Variants in AADACL4 observed in about 807,000 individuals in gnomAD.
AADACL4 encodes the protein arylacetamide deacetylase-like 4.
Under a neutral mutation model 14.1 loss-of-function variants are expected in AADACL4, and 9 were observed. The observed-to-expected ratio is 0.64, with a 90% CI of 0.39 to 1.12. AADACL4 has a LOEUF of 1.12. AADACL4 is among the 50% of genes most tolerant of loss of function. The pLI, the probability that AADACL4 is intolerant of heterozygous loss-of-function variation, is 0.01. For missense variants in AADACL4, 531 were observed against 516.1 expected, an observed-to-expected ratio of 1.03 and a Z score of -0.28; for synonymous variants, 188 against 201.6, an observed-to-expected ratio of 0.93 and a Z score of 0.57.
intron 2 of AADACL4, among the ~76,000 whole-genome samples, chr1:12,661,074 A>G (rs1013918707): frequency 1.3e-5 from 2 of 152,050 alleles, no homozygotes; most frequent in African/African-American, 4.8e-5. Flanking sequence ...ATTCAGAACC[A>G]TTGTCATCTC....
intron 3 of AADACL4, 25 bp downstream of exon 3, chr1:12,661,879 G>T: frequency 1.2e-6 from 2 of 1,610,610 alleles, no homozygotes; most frequent in Non-Finnish European, 1.7e-6. Flanking sequence ...ACAGCTGGTA[G>T]GTTCCACAGG....
chr1:12,655,565 T>C (rs940309415), intron 2 of AADACL4, among the ~76,000 whole-genome samples: 2 of 151,970 alleles, frequency 1.3e-5, no homozygotes, highest in East Asian at 3.9e-4. Context: ...CTTTTCACAC[T>C]TGAAGCAGTA....
In AADACL4 at chr1:12,657,620, C is replaced by T. The variant is rs142715154; in HGVS notation, c.386-4171C>T. On this transcript the variant is annotated intron_variant, in intron 2 of 3. Coordinates refer to ENST00000376221, the MANE Select transcript of AADACL4 (RefSeq NM_001013630.2). ...CAGGCAGACTCAAGAGAGACACGTG[C>T]GAGGAGGATTGGGGCTGCTACCTTT... Among the ~76,000 whole-genome samples the T allele has an allele frequency of 2.1e-3, 315 of 152,216 alleles. 1 individual carries two copies. Among genetic ancestry groups the T allele is most frequent in the African/African-American group, 7.0e-3 (291 of 41,518 alleles).
chr1:12,661,906 G>A (rs1316840135), intron 3 of AADACL4, 52 bp downstream of exon 3: 1 of 1,570,878 alleles, frequency 6.4e-7, no homozygotes, highest in African/African-American at 1.4e-5. Context: ...AGGAGATAGG[G>A]TAAGTTCATG....
chr1:12,652,621 A>G (rs1002923427), intron 2 of AADACL4, among the ~76,000 whole-genome samples: 3 of 152,268 alleles, frequency 2.0e-5, no homozygotes, highest in African/African-American at 4.8e-5. Flanking sequence ...CAAGAGAGAC[A>G]GGCGCAAAGA....
intron 1 of AADACL4, among the ~76,000 whole-genome samples, chr1:12,648,757 T>C (rs1647127899): frequency 6.6e-6 from 1 of 152,094 alleles, no homozygotes; most frequent in African/African-American, 2.4e-5. Flanking sequence ...ATCTTAATAA[T>C]CAGTTTTCCT....
At chr1:12,648,429 C>T (rs1448826430) in intron 1 of AADACL4, among the ~76,000 whole-genome samples, 1 of 148,346 alleles carries the variant, frequency 6.7e-6, no homozygotes, top group Admixed American at 6.7e-5. Flanking sequence ...TGGAGTCTCA[C>T]TCTGTCGCCC....
intron 1 of AADACL4, among the ~76,000 whole-genome samples, chr1:12,647,464 C>T (rs1647118808): frequency 6.6e-6 from 1 of 152,046 alleles, no homozygotes; most frequent in African/African-American, 2.4e-5. Context: ...TGCACAGCAC[C>T]AGTGCTGGGT....
intron 2 of AADACL4, among the ~76,000 whole-genome samples, chr1:12,654,209 C>A (rs6680005): frequency 5.9e-5 from 9 of 152,148 alleles, no homozygotes; most frequent in Non-Finnish European, 1.2e-4. Context: ...AAGAGAATTA[C>A]GGTCTCATTG....
At chr1:12,656,532 TGGC>T (rs1200836860) in intron 2 of AADACL4, among the ~76,000 whole-genome samples, 1 of 152,166 alleles carries the variant, frequency 6.6e-6, no homozygotes, top group Non-Finnish European at 1.5e-5. Flanking sequence ...AGGGAGCACT[TGGC>T]ATTCCAGAGA....
At chr1:12,646,537 A>G (rs1647112598) in intron 1 of AADACL4, among the ~76,000 whole-genome samples, 1 of 152,214 alleles carries the variant, frequency 6.6e-6, no homozygotes, top group African/African-American at 2.4e-5. Flanking sequence ...GGAGAATGCA[A>G]TCAGCCTGGA....
chr1:12,666,555 A>G lies in AADACL4; in HGVS notation c.1044A>G (p.Ile348Met). The G allele has an allele frequency of 6.2e-7, 1 of 1,614,126 alleles. No homozygotes were observed. The highest frequency in any genetic ancestry group is 8.5e-7 in the Non-Finnish European group (1 of 1,180,030). ...TCCTGGTGAGCTGTGAGAATGACATACTCCGTGATGACAGCTTGCTCTATA... is the reference window on the plus strand; with the variant it reads ...TCCTGGTGAGCTGTGAGAATGACATGCTCCGTGATGACAGCTTGCTCTATA... ...EAFLVSCEND[I>M]LRDDSLLYKK... Residue 348 changes from isoleucine to methionine, a missense_variant, in exon 4 of 4, where the codon ATA becomes ATG. Coordinates refer to ENST00000376221, the MANE Select transcript of AADACL4 (RefSeq NM_001013630.2).
At chr1:12,661,918 G>A in intron 3 of AADACL4, 64 bp downstream of exon 3, 1 of 1,536,280 alleles carries the variant, frequency 6.5e-7, no homozygotes, top group African/African-American at 1.4e-5. Flanking sequence ...AAGTTCATGG[G>A]TGATTTGTAG....
chr1:12,656,104 G>A (rs1473756250), intron 2 of AADACL4, among the ~76,000 whole-genome samples: 1 of 152,188 alleles, frequency 6.6e-6, no homozygotes, highest in African/African-American at 2.4e-5. Context: ...GTCCCAAAGG[G>A]GAGTTGACAG....
intron 1 of AADACL4, among the ~76,000 whole-genome samples, chr1:12,648,005 AC>A (rs551714614): frequency 3.5e-3 from 527 of 152,010 alleles, no homozygotes; most frequent in Non-Finnish European, 6.4e-3. Context: ...TTGCTCTGTC[AC>A]CCAGGCTGGA....
intron 3 of AADACL4, among the ~76,000 whole-genome samples, chr1:12,665,520 C>T (rs142836214): frequency 2.6e-5 from 4 of 152,290 alleles, no homozygotes; most frequent in East Asian, 1.9e-4. Flanking sequence ...TCACCGTGCC[C>T]GGCCTAGATT....
rs781475069 is a variant in AADACL4 at position 12,651,125 on chromosome 1, G to A, written c.171G>A (p.Gly57=). 13 of 1,613,782 alleles carry A rather than the reference G, an allele frequency of 8.1e-6. No individual in the cohort carries two copies. Among genetic ancestry groups the A allele is most frequent in the East Asian group, 6.7e-5 (3 of 44,900 alleles). ...HCIFLYLVTL[G]NIFEKLGICS... is the part of the protein sequence containing the mutation. ...CTTTCTTTTGTTACCTCCAACAGGGGAATATATTTGAGAAGCTGGGAATTT... is the reference window on the plus strand; with the variant it reads ...CTTTCTTTTGTTACCTCCAACAGGGAAATATATTTGAGAAGCTGGGAATTT... The change falls in exon 2 of 4, where the codon GGG becomes GGA. Residue 57 remains glycine, a splice_region_variant and synonymous_variant. Coordinates refer to ENST00000376221, the MANE Select transcript of AADACL4 (RefSeq NM_001013630.2).
At position 12,666,746 on chromosome 1, in the gene AADACL4, G is replaced by A; in HGVS notation, c.*11G>A. On this transcript the variant is annotated 3_prime_UTR_variant, in exon 4 of 4. Coordinates refer to ENST00000376221, the MANE Select transcript of AADACL4 (RefSeq NM_001013630.2). ...ATAAAGGGCATATGATAGTAACCCT[G>A]GGGCCCCGAGGAGGAAGGGGCAAGT... The A allele has an allele frequency of 6.3e-7, 1 of 1,580,770 alleles. No individual in the cohort carries two copies. Among genetic ancestry groups the A allele is most frequent in the Non-Finnish European group, 8.6e-7 (1 of 1,168,114 alleles).
chr1:12,651,068 C>T, intron 1 of AADACL4, 55 bp from the exon 2 acceptor site: 3 of 1,503,948 alleles, frequency 2.0e-6, no homozygotes, highest in Non-Finnish European at 2.8e-6. Context: ...AGGGAATCTA[C>T]CATCCAGATT....
Sources: gnomAD v4.1 joint callset for allele counts (sites outside exome capture counted in the v4.1 genomes callset) on GRCh38, gnomAD v4.1.1 for gene constraint, MANE v1.5 for transcripts, NCBI Gene and HGNC (gene_info 2026-07-23, HGNC 2026-07-21) for gene names.